The following MAPT variants were observed in gnomAD, a reference collection of about 807,000 sequenced individuals.
MAPT encodes microtubule-associated protein tau.
MAPT carries 34 observed loss-of-function variants against 67.9 expected under a neutral mutation model. The ratio of observed to expected loss-of-function variants is 0.50; its 90% CI spans 0.38 to 0.67. The LOEUF is 0.67. Among genes scored for constraint, MAPT ranks in the 30% least tolerant of loss-of-function variants. The probability of loss-of-function intolerance (pLI) is 0.00; values close to 1 mark genes in which losing one functional copy is unlikely to be tolerated. For missense variants in MAPT, 881 were observed against 1,115.2 expected (o/e 0.79, Z 2.99); for synonymous variants, 456 against 464.5 (o/e 0.98, Z 0.23).
At chr17:45,963,360 C>A (rs2070665402) in intron 2 of MAPT, among the ~76,000 whole-genome samples, 2 of 152,210 alleles carry the variant, frequency 1.3e-5, no homozygotes, top group East Asian at 3.8e-4. Context: ...TCTGCCTTCC[C>A]ATGCTGGCCC....
At chr17:45,980,417 T>C (rs1177077183) in intron 4 of MAPT, 2 of 151,844 alleles carry the variant, frequency 1.3e-5, no homozygotes, top group South Asian at 2.1e-4. Context: ...GGCAGGAGAA[T>C]TGCTTGAACC....
rs981962182 is a variant in MAPT at position 45,995,192 on chromosome 17, T to C, written c.1733-1207T>C. Among the ~76,000 whole-genome samples the C allele has an allele frequency of 6.6e-6, 1 of 152,180 alleles. No individual in the cohort carries two copies. The highest frequency in any genetic ancestry group is 1.5e-5 in the Non-Finnish European group (1 of 68,040). ...GCCAGCAGGTATGTGTTACAGCAAA[T>C]GCCTGGGGCAGCGGCAGGGGCATTG... On this transcript the variant is annotated intron_variant, in intron 8 of 12. Transcript: ENST00000262410. The surrounding 1 kb of genome is among the most constrained non-coding windows in gnomAD (Gnocchi z 4.3).
chr17:45,956,122 C>T (rs62063266), intron 1 of MAPT, among the ~76,000 whole-genome samples: 21,834 of 152,272 alleles, frequency 0.14, 2,137 homozygotes, highest in Non-Finnish European at 0.22. Flanking sequence ...AGAGTTAGTG[C>T]TCATGACCAG....
chr17:45,911,559 G>A lies in MAPT; in HGVS notation c.-18+16873G>A, dbSNP rs576815184. ...GAGGATCACTTGAGGCCAGGAGTCC[G>A]AGACCAGCCTGGGCAACATAGGGAG... On this transcript the variant is annotated intron_variant, in intron 1 of 12. Transcript: ENST00000262410. 1.1e-4 allele frequency among the ~76,000 whole-genome samples: 17 copies of A among 152,246 alleles called. No individual in the cohort carries two copies. The South Asian group carries it at 1.2e-3, about 11-fold the overall frequency.
At chr17:46,021,705 G>A (rs1042815651) in intron 12 of MAPT, among the ~76,000 whole-genome samples, 3 of 152,206 alleles carry the variant, frequency 2.0e-5, no homozygotes, top group Non-Finnish European at 4.4e-5. Context: ...TGTTCTGGAA[G>A]GTTCCTGGTG....
intron 2 of MAPT, among the ~76,000 whole-genome samples, chr17:45,965,449 T>C (rs985603353): frequency 2.0e-5 from 3 of 151,470 alleles, no homozygotes. Context: ...GGAGTTTTGC[T>C]CTGTCGCCCA....
intron 8 of MAPT, chr17:45,993,852 C>A: frequency 6.8e-7 from 1 of 1,468,134 alleles, no homozygotes; most frequent in Non-Finnish European, 9.3e-7. Flanking sequence ...GGGTGCCTGC[C>A]ACGTGAAGGA....
chr17:45,903,919 T>A (rs1282031688), intron 1 of MAPT, among the ~76,000 whole-genome samples: 5 of 20,142 alleles, frequency 2.5e-4, no homozygotes, highest in African/African-American at 7.1e-4. Context: ...TATTATATAT[T>A]TATATATATT....
At chr17:45,972,062 C>T (rs1465606884) in intron 3 of MAPT, 117 bp downstream of exon 3, 6 of 781,544 alleles carry the variant, frequency 7.7e-6, no homozygotes, top group African/African-American at 3.4e-5. Context: ...CTCACTCCTT[C>T]GGTGCTTTGC....
chr17:45,949,875 A>G (rs1440802660), intron 1 of MAPT, among the ~76,000 whole-genome samples: 1 of 152,176 alleles, frequency 6.6e-6, no homozygotes, highest in East Asian at 1.9e-4. Context: ...AGCAAGAAAC[A>G]GCCCCAGATC....
At chr17:45,944,072 T>C (rs1408633876) in intron 1 of MAPT, among the ~76,000 whole-genome samples, 1 of 152,184 alleles carries the variant, frequency 6.6e-6, no homozygotes, top group African/African-American at 2.4e-5. Context: ...ACGTCATGAC[T>C]TCAGCACCTC....
chr17:45,941,673 C>T (rs868643474), intron 1 of MAPT, among the ~76,000 whole-genome samples: 576 of 28,474 alleles, frequency 0.02, 35 homozygotes, highest in African/African-American at 0.038. Context: ...CCCCCTTCCC[C>T]CCTTCCCTCC....
Position 45,894,699 on chromosome 17 carries a change from GC to G in MAPT, c.-18+14del. 1 of 152,936 alleles carries G rather than the reference GC, an allele frequency of 6.5e-6. No individual in the cohort carries two copies. The highest frequency in any genetic ancestry group is 2.1e-4 in the South Asian group (1 of 4,864). 9.5% of individuals were successfully genotyped at this position (152,936 alleles called of 1,614,324 possible). On this transcript the variant is annotated intron_variant, in intron 1 of 12. Transcript: ENST00000262410. ...TGTCGACTATCAGGTAAGCGCCGCG[GC>G]TCCGAAATCTGCCTCGCCGTCCGCC... is the stretch of plus-strand genomic sequence containing the variant.
At chr17:45,951,928 G>C (rs1462779241) in intron 1 of MAPT, among the ~76,000 whole-genome samples, 2 of 152,196 alleles carry the variant, frequency 1.3e-5, no homozygotes, top group East Asian at 3.9e-4. Context: ...GAGAGAGAGA[G>C]AGGGAGGAAG....
At chr17:45,920,438 T>C (rs1373343094) in intron 1 of MAPT, among the ~76,000 whole-genome samples, 1 of 152,206 alleles carries the variant, frequency 6.6e-6, no homozygotes, top group Admixed American at 6.5e-5. Flanking sequence ...CTTCCCATGG[T>C]CCCTCAGCTC....
At chr17:46,007,901 T>C (rs2075558770) in intron 9 of MAPT, among the ~76,000 whole-genome samples, 1 of 152,200 alleles carries the variant, frequency 6.6e-6, no homozygotes, top group Non-Finnish European at 1.5e-5. Flanking sequence ...GGAGGCTGTT[T>C]GTATTTTTTT....
chr17:45,927,702 T>C, intron 1 of MAPT, among the ~76,000 whole-genome samples: 1 of 152,092 alleles, frequency 6.6e-6, no homozygotes, highest in East Asian at 1.9e-4. Context: ...CAGCCAGATT[T>C]TTTTAAAAGC....
chr17:45,938,825 T>C (rs1483830725), intron 1 of MAPT, among the ~76,000 whole-genome samples: 1 of 149,224 alleles, frequency 6.7e-6, no homozygotes, highest in Non-Finnish European at 1.5e-5. Flanking sequence ...TTTTTTTTTT[T>C]TTTTTTGAGA....
intron 1 of MAPT, among the ~76,000 whole-genome samples, chr17:45,905,937 T>C (rs947960701): frequency 1.3e-5 from 2 of 152,216 alleles, no homozygotes; most frequent in African/African-American, 2.4e-5. Flanking sequence ...GTGGGCTGAC[T>C]TTAGCCTGAC....
Sources: gnomAD v4.1 joint callset for allele counts (sites outside exome capture counted in the v4.1 genomes callset) on GRCh38, gnomAD v4.1.1 for gene constraint, Gnocchi (gnomAD v3.1) non-coding constraint, MANE v1.5 for transcripts, NCBI Gene and HGNC (gene_info 2026-07-23, HGNC 2026-07-21) for gene names.